DTD1: variants seen among roughly 807,000 people sequenced by gnomAD.
DTD1 encodes D-tyrosyl-tRNA deacylase 1 homolog.
A neutral mutation model predicts 25.6 loss-of-function variants in DTD1; 13 were observed. That is an observed-to-expected ratio of 0.51 (90% confidence interval 0.33 to 0.81). The LOEUF (loss-of-function observed/expected upper bound fraction) is 0.81. Among genes scored for constraint, DTD1 ranks in the 30% least tolerant of loss-of-function variants. The pLI is 0.02. For synonymous variants in DTD1, 110 were observed against 103.6 expected, an observed-to-expected ratio of 1.06 and a Z score of -0.37; for missense variants, 193 against 266.4, an observed-to-expected ratio of 0.72 and a Z score of 1.92.
intron 4 of DTD1, among the ~76,000 whole-genome samples, chr20:18,644,872 G>T (rs968132632): frequency 6.6e-6 from 1 of 152,140 alleles, no homozygotes; most frequent in Non-Finnish European, 1.5e-5. Flanking sequence ...GGGGCCAGGC[G>T]CAGTGGCTCA....
In DTD1 at chr20:18,641,804, C is replaced by T. The variant is rs573275133; in HGVS notation, c.477+13571C>T. Reference sequence around the variant, plus strand: ...ATGATCTGCAAATATTTTCTCTCATCCTGTGGATTACCTTTTCACTCTGTT... The same window carrying T: ...ATGATCTGCAAATATTTTCTCTCATTCTGTGGATTACCTTTTCACTCTGTT... On this transcript the variant is annotated intron_variant, in intron 4 of 5. Transcript: ENST00000377452. 1.6e-4 allele frequency among the ~76,000 whole-genome samples: 24 copies of T among 152,192 alleles called. No homozygotes were observed. The South Asian group carries it at 2.7e-3, about 17-fold the overall frequency.
At chr20:18,629,163 ATT>A (rs985636921) in intron 4 of DTD1, among the ~76,000 whole-genome samples, 21 of 151,318 alleles carry the variant, frequency 1.4e-4, no homozygotes, top group African/African-American at 4.8e-4. Flanking sequence ...TACCCTGCTA[ATT>A]TTGTATTTTT....
chr20:18,624,977 G>A (rs886273760), intron 3 of DTD1, among the ~76,000 whole-genome samples: 9 of 152,216 alleles, frequency 5.9e-5, no homozygotes, highest in Non-Finnish European at 1.0e-4. Flanking sequence ...AGTGAAAGGT[G>A]CCCTCACTTT....
rs1296020824 is a variant in DTD1, at chr20:18,764,295, AG to A, written c.*956del. ...AGCTACATGGTTGTCCATGTATCCA[AG>A]TCACCACACCCAGCACTCTGGGAAG... On this transcript the variant is annotated 3_prime_UTR_variant, in exon 6 of 6. Coordinates refer to ENST00000377452, the MANE Select transcript of DTD1 (RefSeq NM_080820.6). The A allele has an allele frequency of 6.6e-6, 1 of 152,240 alleles. No individual in the cohort carries two copies. 9.4% of individuals were successfully genotyped at this position (152,240 alleles called of 1,614,324 possible). A position where few individuals can be genotyped will look rare whatever the true frequency, so the allele number is the denominator to read the frequency against.
intron 4 of DTD1, among the ~76,000 whole-genome samples, chr20:18,743,896 A>G (rs1600219186): frequency 1.3e-5 from 2 of 152,116 alleles, no homozygotes; most frequent in East Asian, 1.9e-4. Flanking sequence ...GATTACTCCT[A>G]TGACTAATGA....
intron 3 of DTD1, among the ~76,000 whole-genome samples, chr20:18,603,703 A>G (rs1412762569): frequency 7.5e-6 from 1 of 133,480 alleles, no homozygotes; most frequent in Non-Finnish European, 1.6e-5. Flanking sequence ...GAAGGCAGAA[A>G]TAAAGACGTT....
intron 4 of DTD1, among the ~76,000 whole-genome samples, chr20:18,680,773 C>T (rs542578043): frequency 6.6e-6 from 1 of 152,076 alleles, no homozygotes; most frequent in Non-Finnish European, 1.5e-5. Context: ...CTTGAACAGG[C>T]CTCACTTCAG....
At position 18,762,178 on chromosome 20, in the gene DTD1, C is replaced by G. The variant is rs2038928522; in HGVS notation, c.*20-1182C>G. Among the ~76,000 whole-genome samples the G allele has an allele frequency of 2.6e-5, 4 of 152,200 alleles. No individual in the cohort carries two copies. The South Asian group carries it at 8.3e-4, about 32-fold the overall frequency. ...CCCTTTCTTAAGAAGGTGGCCTGCACTGAGTGTATCAGGAAGCACATCCAT... is the reference window on the plus strand; with the variant it reads ...CCCTTTCTTAAGAAGGTGGCCTGCAGTGAGTGTATCAGGAAGCACATCCAT... On this transcript the variant is annotated intron_variant, in intron 5 of 5. Coordinates refer to ENST00000377452, the MANE Select transcript of DTD1 (RefSeq NM_080820.6).
chr20:18,763,788 T>A lies in DTD1; in HGVS notation c.*448T>A, dbSNP rs1390971400. 6.6e-6 allele frequency: 1 copy of A among 152,240 alleles called. No individual in the cohort carries two copies. The highest frequency in any genetic ancestry group is 1.5e-5 in the Non-Finnish European group (1 of 68,026). 9.4% of individuals were successfully genotyped at this position (152,240 alleles called of 1,614,324 possible). ...TTTATTGCCAGGGCCCGTGTTGAAG[T>A]GTCAAGAGAGCAATCATCAATGATA... is the stretch of plus-strand genomic sequence containing the variant. On this transcript the variant is annotated 3_prime_UTR_variant, in exon 6 of 6. Transcript: ENST00000377452.
Position 18,628,188 on chromosome 20 carries a change from G to A in DTD1, c.432G>A (p.Glu144=). The stretch of plus-strand genomic sequence containing the variant: ...AGAATGATGGGCCTGTGACCATAGA[G>A]CTGGAATCGCCAGCTCCCGGCACTG... ...HIQNDGPVTI[E]LESPAPGTAT... is the part of the protein sequence containing the mutation. The change falls in exon 4 of 6, where the codon GAG becomes GAA. Residue 144 remains glutamate (E), a synonymous_variant. Coordinates refer to ENST00000377452, the MANE Select transcript of DTD1 (RefSeq NM_080820.6). The A allele has an allele frequency of 6.2e-7, 1 of 1,613,954 alleles. No homozygotes were observed. The highest frequency in any genetic ancestry group is 8.5e-7 in the Non-Finnish European group (1 of 1,179,864).
intron 5 of DTD1, among the ~76,000 whole-genome samples, chr20:18,761,595 A>T (rs565623267): frequency 1.4e-4 from 21 of 152,292 alleles, no homozygotes; most frequent in African/African-American, 4.8e-4. Context: ...AATTATCCCA[A>T]TGCATTAAAA....
intron 4 of DTD1, among the ~76,000 whole-genome samples, chr20:18,670,836 A>G (rs187415805): frequency 6.6e-6 from 1 of 152,228 alleles, no homozygotes; most frequent in African/African-American, 2.4e-5. Context: ...AAACATTGTC[A>G]TCATCATCAG....
intron 4 of DTD1, among the ~76,000 whole-genome samples, chr20:18,708,221 ATATATATATT>A (rs1568676598): frequency 3.5e-3 from 17 of 4,922 alleles, no homozygotes; most frequent in Admixed American, 9.7e-3. Context: ...TATATATAAT[ATATATATATT>A]TTATATATAT....
chr20:18,637,178 G>A (rs1169724962), intron 4 of DTD1, among the ~76,000 whole-genome samples: 1 of 152,152 alleles, frequency 6.6e-6, no homozygotes, highest in Non-Finnish European at 1.5e-5. Context: ...TACAACCTAT[G>A]TTACTGCAGC....
intron 4 of DTD1, among the ~76,000 whole-genome samples, chr20:18,699,441 A>T (rs1020242688): frequency 2.0e-5 from 3 of 152,314 alleles, no homozygotes; most frequent in African/African-American, 4.8e-5. Context: ...TAACAGGGAC[A>T]TGGGCAGGGG....
chr20:18,663,323 A>G (rs1185625601), intron 4 of DTD1, among the ~76,000 whole-genome samples: 2 of 152,062 alleles, frequency 1.3e-5, no homozygotes, highest in Non-Finnish European at 2.9e-5. Context: ...GTTCTAGGCT[A>G]GCCTGGGCAA....
intron 4 of DTD1, among the ~76,000 whole-genome samples, chr20:18,701,198 T>G (rs2061103211): frequency 1.3e-5 from 2 of 152,122 alleles, no homozygotes; most frequent in Non-Finnish European, 2.9e-5. Context: ...AACCTAGCAT[T>G]GTCTGTGGGT....
intron 5 of DTD1, among the ~76,000 whole-genome samples, chr20:18,751,108 G>A (rs1444742342): frequency 6.8e-6 from 1 of 146,972 alleles, no homozygotes; most frequent in African/African-American, 2.5e-5. Context: ...CTGTTGAAAA[G>A]GTATTCAGTC....
At chr20:18,741,916 T>G (rs2061279887) in intron 4 of DTD1, among the ~76,000 whole-genome samples, 1 of 121,182 alleles carries the variant, frequency 8.3e-6, no homozygotes. Flanking sequence ...TTTTTTTTTT[T>G]TTTGTAGAGA....
Sources: gnomAD v4.1 joint callset for allele counts (sites outside exome capture counted in the v4.1 genomes callset) on GRCh38, gnomAD v4.1.1 for gene constraint, MANE v1.5 for transcripts, NCBI Gene and HGNC (gene_info 2026-07-23, HGNC 2026-07-21) for gene names.